MYOM1: variants seen among roughly 807,000 people sequenced by gnomAD.
MYOM1 encodes the protein myomesin 1.
A neutral mutation model predicts 205.3 loss-of-function variants in MYOM1; 164 were observed. The observed-to-expected ratio is 0.80, with a 90% CI of 0.70 to 0.91. The LOEUF (loss-of-function observed/expected upper bound fraction) is 0.91. Ranked by LOEUF, MYOM1 falls within the 40% of genes least tolerant of loss-of-function variation. MYOM1 has a pLI of 0.00. For synonymous variants in MYOM1, 772 were observed against 789.4 expected, an observed-to-expected ratio of 0.98 and a Z score of 0.37; for missense variants, 2,011 against 2,127.3, an observed-to-expected ratio of 0.95 and a Z score of 1.08.
chr18:3,247,195 G>T, the MYOM1 span: 1 of 152,358 alleles, frequency 6.6e-6, no homozygotes, highest in Non-Finnish European at 1.5e-5. Context: ...AAAAGATAGT[G>T]GAGGCTTGGC....
chr18:3,203,398 A>G (rs879817811), intron 2 of MYOM1, among the ~76,000 whole-genome samples: 7 of 151,814 alleles, frequency 4.6e-5, no homozygotes, highest in Non-Finnish European at 8.9e-5. Context: ...TAAATTGACT[A>G]CAAATAATAG....
intron 25 of MYOM1, among the ~76,000 whole-genome samples, chr18:3,099,227 T>A (rs1462331463): frequency 6.6e-6 from 1 of 152,208 alleles, no homozygotes; most frequent in Non-Finnish European, 1.5e-5. Context: ...CAATTCATTC[T>A]AGAGCAGTGG....
At chr18:3,231,561 C>T in the MYOM1 span, among the ~76,000 whole-genome samples, 2 of 113,444 alleles carry the variant, frequency 1.8e-5, no homozygotes, top group East Asian at 2.4e-4. Context: ...TTTTTTTAGA[C>T]GGAATTTCAC....
intron 2 of MYOM1, among the ~76,000 whole-genome samples, chr18:3,196,823 A>T (rs956517618): frequency 2.6e-5 from 4 of 152,262 alleles, no homozygotes; most frequent in African/African-American, 7.2e-5. Flanking sequence ...GAAATATTCC[A>T]GGAACTCAGA....
At chr18:3,136,040 C>T (rs896810920) in intron 14 of MYOM1, among the ~76,000 whole-genome samples, 3 of 152,082 alleles carry the variant, frequency 2.0e-5, no homozygotes, top group Non-Finnish European at 2.9e-5. Context: ...GCGGTTTCCC[C>T]CATACTGTTC....
the MYOM1 span, among the ~76,000 whole-genome samples, chr18:3,237,789 G>A: frequency 1.1e-4 from 16 of 152,078 alleles, no homozygotes. Context: ...GTTACTGGGG[G>A]AAGGGAGGAA....
upstream of MYOM1, among the ~76,000 whole-genome samples, chr18:3,224,532 G>T (rs2144288816): frequency 6.6e-6 from 1 of 152,310 alleles, no homozygotes; most frequent in Middle Eastern, 3.4e-3. Flanking sequence ...AGGTAAGTGG[G>T]ATAGGGCCCG....
intron 36 of MYOM1, among the ~76,000 whole-genome samples, chr18:3,072,690 G>GTA (rs10693486): frequency 0.025 from 3,794 of 151,552 alleles, 149 homozygotes; most frequent in African/African-American, 0.084. Context: ...CCGTCATATT[G>GTA]TGTGTGTGTG....
At chr18:3,112,501 G>A in intron 21 of MYOM1, 89 bp from the exon 22 acceptor site, 1 of 968,424 alleles carries the variant, frequency 1.0e-6, no homozygotes, top group Non-Finnish European at 1.5e-6. Flanking sequence ...TTCCTCTGTA[G>A]TAATGATTTA....
intron 2 of MYOM1, among the ~76,000 whole-genome samples, chr18:3,197,851 TG>T (rs1245509366): frequency 1.3e-5 from 2 of 151,886 alleles, no homozygotes; most frequent in Non-Finnish European, 2.9e-5. Context: ...CTGGCCTGGG[TG>T]ACAGAGCGAG....
rs371004562 is a variant in MYOM1 at position 3,102,625 on chromosome 18, T to C, written c.3424A>G (p.Lys1142Glu). The C allele has an allele frequency of 2.5e-5, 41 of 1,612,646 alleles. No homozygotes were observed. Among genetic ancestry groups the C allele is most frequent in the Non-Finnish European group, 3.2e-5 (38 of 1,179,474 alleles). The change falls in exon 23 of 38, where the codon AAA (lysine) becomes GAA (glutamate). Residue 1142 changes from lysine (K) to glutamate (E), a missense_variant. Physicochemically the swap from Lys to Glu is moderately conservative, Grantham distance 56. Transcript: ENST00000356443. ...PVVAETRPGT[K>E]EVVVNVDDDG... is the part of the protein sequence containing the mutation. The stretch of plus-strand genomic sequence containing the variant: ...TCATCCACATTTACAACAACCTCTT[T>C]GGTTCCTACAAGATCAAAAAGAAGG...
intron 10 of MYOM1, among the ~76,000 whole-genome samples, chr18:3,157,796 G>A (rs1249948888): frequency 1.3e-5 from 2 of 151,624 alleles, no homozygotes; most frequent in African/African-American, 4.8e-5. Flanking sequence ...AGAGGCAGCT[G>A]TGAAGCAAGG....
At chr18:3,237,571 C>A in the MYOM1 span, among the ~76,000 whole-genome samples, 1 of 141,298 alleles carries the variant, frequency 7.1e-6, no homozygotes, top group African/African-American at 2.7e-5. Flanking sequence ...TGCACTCCAG[C>A]CTGGGCAACA....
intron 10 of MYOM1, among the ~76,000 whole-genome samples, chr18:3,162,953 G>T (rs1438885797): frequency 1.3e-5 from 2 of 151,750 alleles, no homozygotes; most frequent in South Asian, 4.2e-4. Flanking sequence ...GTGAACCCAG[G>T]AGGCGGAGCT....
the MYOM1 span, among the ~76,000 whole-genome samples, chr18:3,231,260 G>A: frequency 6.6e-6 from 1 of 152,152 alleles, no homozygotes; most frequent in Non-Finnish European, 1.5e-5. Context: ...TAGAAGGAAC[G>A]AAAGTCAAAG....
In MYOM1 at chr18:3,086,031, C is replaced by A. The variant is rs377515296; in HGVS notation, c.4251+7G>T. 1 of 1,538,792 alleles carries A rather than the reference C, an allele frequency of 6.5e-7. No homozygotes were observed. The highest frequency in any genetic ancestry group is 2.3e-5 in the East Asian group (1 of 44,416). On this transcript the variant is annotated splice_region_variant and intron_variant, in intron 30 of 37. Coordinates refer to ENST00000356443, the MANE Select transcript of MYOM1 (RefSeq NM_003803.4). ...ATATATTACATTTTACATTTATAATCGCCTACCTCTGTTATAAGCAGGGTA... is the reference window on the plus strand; with the variant it reads ...ATATATTACATTTTACATTTATAATAGCCTACCTCTGTTATAAGCAGGGTA...
chr18:3,245,289 G>A, the MYOM1 span, among the ~76,000 whole-genome samples: 1 of 152,060 alleles, frequency 6.6e-6, no homozygotes, highest in Non-Finnish European at 1.5e-5. Flanking sequence ...GAGGGAGGAT[G>A]GCTTGAGCCT....
chr18:3,146,190 TA>T (rs1043904799), intron 13 of MYOM1, among the ~76,000 whole-genome samples: 1 of 151,732 alleles, frequency 6.6e-6, no homozygotes, highest in Non-Finnish European at 1.5e-5. Context: ...AATGTTTAAT[TA>T]AAAAAAATAA....
the MYOM1 span, among the ~76,000 whole-genome samples, chr18:3,232,590 A>G: frequency 6.6e-6 from 1 of 152,142 alleles, no homozygotes; most frequent in Admixed American, 6.5e-5. Flanking sequence ...CACTTGGTAC[A>G]GTTTAAATAT....
Sources: gnomAD v4.1 joint callset for allele counts (sites outside exome capture counted in the v4.1 genomes callset) on GRCh38, gnomAD v4.1.1 for gene constraint, MANE v1.5 for transcripts, NCBI Gene and HGNC (gene_info 2026-07-23, HGNC 2026-07-21) for gene names.